USP15: variants seen among roughly 807,000 people sequenced by gnomAD.
USP15 encodes ubiquitin specific peptidase 15, also known as ubiquitin carboxyl-terminal hydrolase 15.
A neutral mutation model predicts 127.1 loss-of-function variants in USP15; 18 were observed. That is an observed-to-expected ratio of 0.14 (90% CI 0.10 to 0.21). USP15 has a LOEUF of 0.21. Among genes scored for constraint, USP15 ranks in the 10% least tolerant of loss-of-function variants. USP15 has a pLI of 1.00. For synonymous variants in USP15, 364 were observed against 393.7 expected (o/e 0.92, Z 0.89); for missense variants, 805 against 1,159.9 (o/e 0.69, Z 4.44).
intron 6 of USP15, among the ~76,000 whole-genome samples, chr12:62,332,112 T>C (rs932830023): frequency 1.3e-5 from 2 of 150,998 alleles, no homozygotes; most frequent in East Asian, 3.9e-4. Context: ...TGCAGTGAGC[T>C]GAGATCGCGC....
At chr12:62,260,652 G>A (rs972477574) in intron 1 of USP15, 149 bp downstream of exon 1, 8 of 720,080 alleles carry the variant, frequency 1.1e-5, no homozygotes, top group South Asian at 1.1e-4. Flanking sequence ...CTTCTGAAAT[G>A]TTGGGGCAAA....
In USP15 at chr12:62,315,651, A is replaced by G. The variant is rs560803329; in HGVS notation, c.475+735A>G. Among the ~76,000 whole-genome samples the G allele has an allele frequency of 2.0e-5, 3 of 152,294 alleles. No individual in the cohort carries two copies. In the South Asian group the frequency reaches 6.2e-4, roughly 32 times the overall value. On this transcript the variant is annotated intron_variant, in intron 4 of 21. Coordinates refer to ENST00000280377, the MANE Select transcript of USP15 (RefSeq NM_001252078.2). Reference sequence around the variant, plus strand: ...TAGAAAATACAAATGAACAGTGAAGAAGGACACATAACTTGTAGAACCCAG... The same window carrying G: ...TAGAAAATACAAATGAACAGTGAAGGAGGACACATAACTTGTAGAACCCAG...
At chr12:62,353,092 C>T (rs555759182) in intron 7 of USP15, among the ~76,000 whole-genome samples, 1 of 151,718 alleles carries the variant, frequency 6.6e-6, no homozygotes, top group African/African-American at 2.4e-5. Flanking sequence ...TGATATTTTC[C>T]ATGACAAGCC....
At chr12:62,358,638 C>T (rs1041647932) in intron 8 of USP15, among the ~76,000 whole-genome samples, 3 of 152,046 alleles carry the variant, frequency 2.0e-5, no homozygotes, top group African/African-American at 7.2e-5. Context: ...ATCGCTTGAA[C>T]CCGGGAGGCA....
At chr12:62,384,503 C>T (rs1466717095) in intron 11 of USP15, among the ~76,000 whole-genome samples, 3 of 151,408 alleles carry the variant, frequency 2.0e-5, no homozygotes, top group Non-Finnish European at 4.4e-5. Context: ...CTTGAAAGAG[C>T]AACGTGTGTC....
chr12:62,391,731 A>G (rs1592723067), intron 16 of USP15, 85 bp from the exon 17 acceptor site: 4 of 1,192,782 alleles, frequency 3.4e-6, no homozygotes, highest in Non-Finnish European at 4.6e-6. Flanking sequence ...CTGTTTGTTT[A>G]TTCTGGTGTA....
chr12:62,298,701 A>G (rs1009733326), intron 2 of USP15, among the ~76,000 whole-genome samples: 5 of 151,802 alleles, frequency 3.3e-5, no homozygotes, highest in African/African-American at 1.2e-4. Flanking sequence ...GTGGTGGCAT[A>G]CACCTGTAGT....
chr12:62,274,188 T>G (rs1437520099), intron 1 of USP15: 1 of 152,132 alleles, frequency 6.6e-6, no homozygotes, highest in African/African-American at 2.4e-5. Flanking sequence ...CTCTGAGTTT[T>G]GGCTTTTCCT....
At chr12:62,261,335 T>C (rs2063049595) in intron 1 of USP15, among the ~76,000 whole-genome samples, 2 of 152,254 alleles carry the variant, frequency 1.3e-5, no homozygotes. Context: ...TTGTCGACCA[T>C]ATCAAGTGGC....
intron 3 of USP15, among the ~76,000 whole-genome samples, chr12:62,314,436 A>G (rs1592566374): frequency 2.6e-5 from 4 of 151,916 alleles, no homozygotes; most frequent in Admixed American, 2.6e-4. Flanking sequence ...ACGTACATAT[A>G]TATTTGCACA....
At chr12:62,267,536 GAA>G (rs754535088) in intron 1 of USP15, among the ~76,000 whole-genome samples, 4 of 152,080 alleles carry the variant, frequency 2.6e-5, no homozygotes, top group Non-Finnish European at 1.5e-5. Flanking sequence ...TCTCCAAAAA[GAA>G]AAGAGTAATG....
chr12:62,271,954 G>A (rs1367016402), intron 1 of USP15, among the ~76,000 whole-genome samples: 1 of 151,494 alleles, frequency 6.6e-6, no homozygotes, highest in Non-Finnish European at 1.5e-5. Flanking sequence ...ATAAAGAGAT[G>A]GTAAACTATT....
chr12:62,352,896 A>G (rs747297059), intron 7 of USP15, among the ~76,000 whole-genome samples: 1 of 151,846 alleles, frequency 6.6e-6, no homozygotes, highest in Non-Finnish European at 1.5e-5. Flanking sequence ...TTAATCTAAT[A>G]TAATATTACA....
chr12:62,383,718 C>A, intron 9 of USP15, 122 bp from the exon 10 acceptor site: 2 of 1,200,394 alleles, frequency 1.7e-6, no homozygotes, highest in Non-Finnish European at 2.3e-6. Context: ...GTTACAAATA[C>A]ATTTTAGAAA....
At chr12:62,383,715 A>G in intron 9 of USP15, 125 bp from the exon 10 acceptor site, 1 of 1,189,966 alleles carries the variant, frequency 8.4e-7, no homozygotes, top group Non-Finnish European at 1.1e-6. Context: ...GGGGTTACAA[A>G]TACATTTTAG....
rs564166176 is a variant in USP15 at position 62,295,813 on chromosome 12, A to G, written c.217+1507A>G. ...TTAAGATATGGAACAAGATAACACC[A>G]GGCTGTGGTAAGCAAGACTAACCCC... On this transcript the variant is annotated intron_variant, in intron 2 of 21. Transcript: ENST00000280377. 3.9e-5 allele frequency among the ~76,000 whole-genome samples: 6 copies of G among 152,358 alleles called. No homozygotes were observed. In the East Asian group the frequency reaches 9.6e-4, roughly 24 times the overall value.
chr12:62,358,933 A>G (rs1008490187), intron 8 of USP15, among the ~76,000 whole-genome samples: 1 of 152,146 alleles, frequency 6.6e-6, no homozygotes, highest in Non-Finnish European at 1.5e-5. Context: ...CAAGGTGGAG[A>G]GGGGGCTCCT....
chr12:62,377,783 GATATAA>G (rs2066875681), intron 8 of USP15, among the ~76,000 whole-genome samples: 2 of 151,134 alleles, frequency 1.3e-5, no homozygotes, highest in African/African-American at 4.9e-5. Flanking sequence ...ATTGAATACT[GATATAA>G]CATCACGTGG....
At chr12:62,331,698 G>A (rs2137329142) in intron 6 of USP15, among the ~76,000 whole-genome samples, 1 of 152,070 alleles carries the variant, frequency 6.6e-6, no homozygotes, top group Admixed American at 6.6e-5. Flanking sequence ...ATAAATTTTT[G>A]GGCTCCTTGA....
Sources: gnomAD v4.1 joint callset for allele counts (sites outside exome capture counted in the v4.1 genomes callset) on GRCh38, gnomAD v4.1.1 for gene constraint, MANE v1.5 for transcripts, NCBI Gene and HGNC (gene_info 2026-07-23, HGNC 2026-07-21) for gene names.